The following KCNH8 variants were observed in gnomAD, a reference collection of about 807,000 sequenced individuals.
KCNH8 encodes the protein potassium voltage-gated channel subfamily H member 8, also known as voltage-gated delayed rectifier potassium channel KCNH8.
A neutral mutation model predicts 103.6 loss-of-function variants in KCNH8; 70 were observed. The observed-to-expected ratio is 0.68, with a 90% CI of 0.56 to 0.82. The LOEUF is 0.82. Among genes scored for constraint, KCNH8 ranks in the 40% least tolerant of loss-of-function variants. The pLI is 0.00. For synonymous variants in KCNH8, 498 were observed against 489.4 expected (o/e 1.02, Z -0.23); for missense variants, 1,217 against 1,329.9 (o/e 0.92, Z 1.32).
At chr3:19,323,455 AAAT>A (rs541006508) in intron 3 of KCNH8, among the ~76,000 whole-genome samples, 141 of 152,212 alleles carry the variant, frequency 9.3e-4, no homozygotes, top group African/African-American at 3.3e-3. Flanking sequence ...TCTCAAAAAA[AAAT>A]AATAATAATA....
chr3:19,351,650 A>G (rs2065803901), intron 5 of KCNH8, among the ~76,000 whole-genome samples: 1 of 152,182 alleles, frequency 6.6e-6, no homozygotes, highest in African/African-American at 2.4e-5. Context: ...TCATAAGTGA[A>G]GGAGAAATAA....
chr3:19,189,490 C>T (rs1032908958), intron 1 of KCNH8, among the ~76,000 whole-genome samples: 1 of 151,754 alleles, frequency 6.6e-6, no homozygotes, highest in Non-Finnish European at 1.5e-5. Context: ...TTTTGGTCTT[C>T]ATAGCAATAT....
intron 3 of KCNH8, among the ~76,000 whole-genome samples, chr3:19,319,303 A>G (rs2065318708): frequency 6.6e-6 from 1 of 152,044 alleles, no homozygotes; most frequent in Admixed American, 6.6e-5. Flanking sequence ...TTCAGGTTTT[A>G]CATTTAAGTA....
At chr3:19,468,771 C>G (rs2067794502) in intron 11 of KCNH8, among the ~76,000 whole-genome samples, 1 of 152,152 alleles carries the variant, frequency 6.6e-6, no homozygotes, top group African/African-American at 2.4e-5. Flanking sequence ...TGTAATTAAG[C>G]TGTGCTATAT....
At chr3:19,426,713 G>A (rs1384092287) in intron 7 of KCNH8, among the ~76,000 whole-genome samples, 3 of 151,984 alleles carry the variant, frequency 2.0e-5, no homozygotes, top group Non-Finnish European at 4.4e-5. Flanking sequence ...AATAGGAGAG[G>A]TTGAACACCC....
chr3:19,327,446 T>A (rs2065439761), intron 3 of KCNH8, among the ~76,000 whole-genome samples: 1 of 151,998 alleles, frequency 6.6e-6, no homozygotes, highest in African/African-American at 2.4e-5. Flanking sequence ...CACACAACCA[T>A]GTCTGGCTAA....
At chr3:19,358,491 G>A (rs914508798) in intron 5 of KCNH8, among the ~76,000 whole-genome samples, 1 of 151,882 alleles carries the variant, frequency 6.6e-6, no homozygotes, top group African/African-American at 2.4e-5. Flanking sequence ...GAAGGAAGGA[G>A]TGGATCCAAG....
intron 1 of KCNH8, among the ~76,000 whole-genome samples, chr3:19,240,666 T>C (rs940066669): frequency 1.1e-4 from 16 of 151,604 alleles, no homozygotes; most frequent in Non-Finnish European, 1.6e-4. Context: ...GCATACTTTA[T>C]ATCTCCTCTT....
At chr3:19,415,285 T>A (rs1283285382) in intron 7 of KCNH8, among the ~76,000 whole-genome samples, 1 of 151,942 alleles carries the variant, frequency 6.6e-6, no homozygotes, top group Admixed American at 6.6e-5. Context: ...TATTCCCATT[T>A]ACAGGTAAGA....
intron 7 of KCNH8, among the ~76,000 whole-genome samples, chr3:19,415,401 G>T (rs990403957): frequency 6.9e-6 from 1 of 144,740 alleles, no homozygotes; most frequent in South Asian, 2.2e-4. Flanking sequence ...CTTTCTCAAT[G>T]AGCTTTTTTT....
chr3:19,368,647 A>G (rs978840341), intron 5 of KCNH8, among the ~76,000 whole-genome samples: 1 of 152,058 alleles, frequency 6.6e-6, no homozygotes. Flanking sequence ...ATATACTTAG[A>G]AGCATGACTG....
At chr3:19,364,023 T>A (rs562537041) in intron 5 of KCNH8, among the ~76,000 whole-genome samples, 21 of 152,252 alleles carry the variant, frequency 1.4e-4, no homozygotes, top group Admixed American at 9.2e-4. Flanking sequence ...ATACCCTGAC[T>A]ACATAGTTAA....
At chr3:19,209,890 C>A (rs74676410) in intron 1 of KCNH8, among the ~76,000 whole-genome samples, 4,210 of 151,958 alleles carry the variant, frequency 0.028, 198 homozygotes, top group African/African-American at 0.095. Context: ...ATGTGTAGTC[C>A]CTAGGTAAGC....
intron 2 of KCNH8, among the ~76,000 whole-genome samples, chr3:19,278,070 G>A (rs541003203): frequency 3.2e-4 from 49 of 152,274 alleles, no homozygotes; most frequent in South Asian, 2.5e-3. Context: ...ACAGGTAAGA[G>A]AGGAAGAGCC....
intron 2 of KCNH8, among the ~76,000 whole-genome samples, chr3:19,274,529 C>T (rs951574206): frequency 4.6e-5 from 7 of 152,020 alleles, no homozygotes; most frequent in Non-Finnish European, 7.4e-5. Flanking sequence ...CCATGGGAAC[C>T]AATTTGGTTT....
In KCNH8 at chr3:19,501,207, C is replaced by T. The variant is rs1189086496; in HGVS notation, c.2041-9156C>T. ...ATGGATAAATTCCTCGACACATACA[C>T]TCTCCCAAGACTAAACCAGGAAGAA... On this transcript the variant is annotated intron_variant, in intron 11 of 15. Transcript: ENST00000328405. Among the ~76,000 whole-genome samples the T allele has an allele frequency of 2.6e-5, 4 of 152,200 alleles. No individual in the cohort carries two copies. The East Asian group carries it at 7.7e-4, about 29-fold the overall frequency.
chr3:19,407,680 C>T (rs1299368466), intron 7 of KCNH8, among the ~76,000 whole-genome samples: 1 of 152,072 alleles, frequency 6.6e-6, no homozygotes, highest in Non-Finnish European at 1.5e-5. Context: ...CCAGGCAGAT[C>T]CTGAGGCATT....
chr3:19,272,226 G>A (rs189738474), intron 2 of KCNH8, among the ~76,000 whole-genome samples: 1 of 152,118 alleles, frequency 6.6e-6, no homozygotes, highest in East Asian at 2.0e-4. Flanking sequence ...GCACCAGATG[G>A]TTCTACCAAG....
intron 5 of KCNH8, among the ~76,000 whole-genome samples, chr3:19,368,803 T>C (rs1272279735): frequency 6.6e-6 from 1 of 152,068 alleles, no homozygotes; most frequent in Non-Finnish European, 1.5e-5. Context: ...TATATTGGCC[T>C]AGATAAAACA....
Sources: gnomAD v4.1 joint callset for allele counts (sites outside exome capture counted in the v4.1 genomes callset) on GRCh38, gnomAD v4.1.1 for gene constraint, MANE v1.5 for transcripts, NCBI Gene and HGNC (gene_info 2026-07-23, HGNC 2026-07-21) for gene names.